The following RANBP17 variants were observed in gnomAD, a reference collection of about 807,000 sequenced individuals.
RANBP17 encodes ran-binding protein 17.
RANBP17 carries 158 observed loss-of-function variants against 141.2 expected under a neutral mutation model. That is an observed-to-expected ratio of 1.12 (90% CI 0.98 to 1.28). The LOEUF is 1.28. Ranked by LOEUF, RANBP17 falls within the 50% of genes most tolerant of loss-of-function variation. RANBP17 has a pLI of 0.00. For synonymous variants in RANBP17, 430 were observed against 450.0 expected, an observed-to-expected ratio of 0.96 and a Z score of 0.56; for missense variants, 1,438 against 1,290.7, an observed-to-expected ratio of 1.11 and a Z score of -1.75.
chr5:171,056,467 A>G (rs1485030910), intron 14 of RANBP17, among the ~76,000 whole-genome samples: 4 of 152,232 alleles, frequency 2.6e-5, no homozygotes, highest in Non-Finnish European at 5.9e-5. Flanking sequence ...TGTAACAATT[A>G]TAATTATTAC....
intron 14 of RANBP17, among the ~76,000 whole-genome samples, chr5:170,993,892 A>T (rs1174530760): frequency 6.6e-6 from 1 of 152,088 alleles, no homozygotes; most frequent in Admixed American, 6.6e-5. Flanking sequence ...CAATTATTTT[A>T]AAAAAGGATT....
At chr5:171,160,227 T>C (rs942733618) in intron 14 of RANBP17, among the ~76,000 whole-genome samples, 1 of 152,172 alleles carries the variant, frequency 6.6e-6, no homozygotes, top group Non-Finnish European at 1.5e-5. Context: ...ACTACTTTAT[T>C]TCTTTGCAAG....
intron 12 of RANBP17, among the ~76,000 whole-genome samples, chr5:170,933,974 A>T (rs1243443651): frequency 6.6e-6 from 1 of 151,676 alleles, no homozygotes; most frequent in African/African-American, 2.4e-5. Flanking sequence ...ATCCTTGTTA[A>T]CTTTCTGTCT....
chr5:170,988,988 A>G (rs951020084), intron 14 of RANBP17, among the ~76,000 whole-genome samples: 1 of 151,782 alleles, frequency 6.6e-6, no homozygotes, highest in Non-Finnish European at 1.5e-5. Context: ...AAAATATTCA[A>G]GTTGCTTAAA....
At chr5:170,911,229 T>A in intron 7 of RANBP17, 95 bp downstream of exon 7, 1 of 1,129,842 alleles carries the variant, frequency 8.9e-7, no homozygotes, top group Admixed American at 2.4e-5. Context: ...TTGCCAGGAA[T>A]TAAAAAAATA....
intron 21 of RANBP17, among the ~76,000 whole-genome samples, chr5:171,218,159 T>C (rs1763336714): frequency 6.6e-6 from 1 of 152,224 alleles, no homozygotes; most frequent in South Asian, 2.1e-4. Flanking sequence ...CCAGTAGTCA[T>C]TCAGGAGCAG....
intron 14 of RANBP17, among the ~76,000 whole-genome samples, chr5:171,141,995 A>G (rs1329344164): frequency 1.3e-5 from 2 of 152,198 alleles, no homozygotes; most frequent in Non-Finnish European, 2.9e-5. Flanking sequence ...TCAAAGTAAA[A>G]TCAAGACTAA....
chr5:171,296,107 G>A, intron 27 of RANBP17, 93 bp downstream of exon 27: 1 of 1,284,550 alleles, frequency 7.8e-7, no homozygotes, highest in African/African-American at 1.5e-5. Flanking sequence ...CTCACACATG[G>A]ATGTCCCTTT....
chr5:171,012,104 ACATTTG>A, intron 14 of RANBP17, among the ~76,000 whole-genome samples: 1 of 151,670 alleles, frequency 6.6e-6, no homozygotes. Flanking sequence ...AACAAATAAT[ACATTTG>A]TTTAAACAAA....
At chr5:171,036,796 T>C (rs767570188) in intron 14 of RANBP17, among the ~76,000 whole-genome samples, 1 of 152,230 alleles carries the variant, frequency 6.6e-6, no homozygotes, top group Non-Finnish European at 1.5e-5. Flanking sequence ...TGTGTGGTAT[T>C]CCATGGTGTA....
intron 16 of RANBP17, among the ~76,000 whole-genome samples, chr5:171,181,330 G>A (rs1760846385): frequency 6.6e-6 from 1 of 152,050 alleles, no homozygotes; most frequent in African/African-American, 2.4e-5. Context: ...CATGATTGTA[G>A]TCCTGGCTAC....
intron 25 of RANBP17, among the ~76,000 whole-genome samples, chr5:171,282,425 T>A (rs1332278311): frequency 6.6e-6 from 1 of 152,134 alleles, no homozygotes; most frequent in Non-Finnish European, 1.5e-5. Flanking sequence ...GTCTGTGGCT[T>A]CCCAATCCTA....
At chr5:170,983,111 G>C (rs905479704) in intron 14 of RANBP17, 1 of 521,374 alleles carries the variant, frequency 1.9e-6, no homozygotes, top group African/African-American at 1.9e-5. Flanking sequence ...AGTAAACCAA[G>C]AAAAGAGGAA....
chr5:171,222,407 C>A (rs150868576), intron 22 of RANBP17, among the ~76,000 whole-genome samples: 2 of 152,294 alleles, frequency 1.3e-5, no homozygotes, highest in Non-Finnish European at 2.9e-5. Context: ...CAATGAAATT[C>A]TCTACTCTCT....
At chr5:171,131,076 C>T (rs1756882214) in intron 14 of RANBP17, among the ~76,000 whole-genome samples, 1 of 152,150 alleles carries the variant, frequency 6.6e-6, no homozygotes, top group Non-Finnish European at 1.5e-5. Context: ...GGTTCTGTCA[C>T]TTAGTAGCCT....
intron 14 of RANBP17, among the ~76,000 whole-genome samples, chr5:171,139,860 G>T (rs1003636968): frequency 2.6e-5 from 4 of 152,032 alleles, no homozygotes; most frequent in Non-Finnish European, 4.4e-5. Flanking sequence ...TTGTTTTTAG[G>T]ATAAAACCCA....
chr5:171,181,492 G>A (rs1009254479), intron 16 of RANBP17, among the ~76,000 whole-genome samples: 8 of 151,792 alleles, frequency 5.3e-5, no homozygotes, highest in African/African-American at 1.9e-4. Context: ...CTGAGCACCT[G>A]CTGAGAGCAG....
chr5:171,046,232 G>A (rs1782577772), intron 14 of RANBP17, among the ~76,000 whole-genome samples: 1 of 136,952 alleles, frequency 7.3e-6, no homozygotes, highest in Non-Finnish European at 1.5e-5. Context: ...TTGAGCTGGA[G>A]TCTCACTCTG....
chr5:171,244,360 G>A (rs577154850), intron 24 of RANBP17, among the ~76,000 whole-genome samples: 3 of 151,946 alleles, frequency 2.0e-5, no homozygotes, highest in Non-Finnish European at 4.4e-5. Flanking sequence ...CCTGGGCAAC[G>A]AACGAAACTC....
Sources: allele counts gnomAD v4.1 joint callset (sites outside exome capture counted in the v4.1 genomes callset), GRCh38; gene constraint gnomAD v4.1.1; transcripts MANE v1.5; gene names NCBI Gene and HGNC (gene_info 2026-07-23, HGNC 2026-07-21).